The following ROBO2 variants were observed in gnomAD, a reference collection of about 807,000 sequenced individuals.
ROBO2 encodes the protein roundabout homolog 2.
ROBO2 carries 53 observed loss-of-function variants against 160.8 expected under a neutral mutation model. The observed-to-expected ratio is 0.33, with a 90% confidence interval of 0.26 to 0.41. The LOEUF (loss-of-function observed/expected upper bound fraction) is 0.41. ROBO2 is among the 10% of genes least tolerant of loss of function. ROBO2 has a pLI of 1.00. For missense variants in ROBO2, 1,577 were observed against 1,722.4 expected, an observed-to-expected ratio of 0.92 and a Z score of 1.49; for synonymous variants, 664 against 611.7, an observed-to-expected ratio of 1.09 and a Z score of -1.26.
Position 76,043,851 on chromosome 3 carries a change from T to C in ROBO2, c.109+106249T>C, listed in dbSNP as rs1035700052. 5.9e-5 allele frequency among the ~76,000 whole-genome samples: 9 copies of C among 151,942 alleles called. 1 individual carries two copies. Among genetic ancestry groups the C allele is most frequent in the Non-Finnish European group, 8.8e-5 (6 of 68,030 alleles). The stretch of plus-strand genomic sequence containing the variant: ...TGGAATCCACATTATCTTGGAACTA[T>C]GTGAAGATTGTCTTCGGATCACTTT... On this transcript the variant is annotated intron_variant, in intron 2 of 26. Coordinates refer to the ROBO2 transcript ENST00000487694.
At chr3:77,186,635 A>G (rs1249442920) in intron 2 of ROBO2, among the ~76,000 whole-genome samples, 2 of 152,014 alleles carry the variant, frequency 1.3e-5, no homozygotes, top group East Asian at 3.9e-4. Flanking sequence ...TGCTTTTAAT[A>G]GTCATCTCTT....
At chr3:76,236,617 C>G (rs1314137331) in intron 2 of ROBO2, among the ~76,000 whole-genome samples, 2 of 152,034 alleles carry the variant, frequency 1.3e-5, no homozygotes, top group Admixed American at 6.6e-5. Flanking sequence ...GTAAATCTTA[C>G]AAATGACAAC....
chr3:76,229,820 A>G (rs1170502171), intron 2 of ROBO2, among the ~76,000 whole-genome samples: 2 of 152,188 alleles, frequency 1.3e-5, no homozygotes, highest in Admixed American at 1.3e-4. Context: ...ACAACTAGAA[A>G]CATCAACCAA....
intron 12 of ROBO2, among the ~76,000 whole-genome samples, chr3:77,566,840 C>A (rs1559628384): frequency 6.6e-6 from 1 of 152,118 alleles, no homozygotes; most frequent in Non-Finnish European, 1.5e-5. Context: ...GGGTACCATA[C>A]TTTCAGCAGC....
chr3:77,443,022 G>A (rs371829483), intron 2 of ROBO2, among the ~76,000 whole-genome samples: 8 of 152,092 alleles, frequency 5.3e-5, no homozygotes, highest in African/African-American at 1.7e-4. Flanking sequence ...GTTAGTTTTT[G>A]TTATAAAAAT....
chr3:77,080,678 G>T (rs117742019), intron 1 of ROBO2, among the ~76,000 whole-genome samples: 1 of 152,160 alleles, frequency 6.6e-6, no homozygotes, highest in East Asian at 1.9e-4. Context: ...CCAAGAACTG[G>T]AAAGCTCTCT....
intron 2 of ROBO2, among the ~76,000 whole-genome samples, chr3:76,330,246 C>T (rs1199939962): frequency 6.6e-6 from 1 of 152,114 alleles, no homozygotes; most frequent in Non-Finnish European, 1.5e-5. Flanking sequence ...CAATTAATTG[C>T]AGGGATAAAC....
At chr3:77,302,834 G>A (rs575355102) in intron 2 of ROBO2, among the ~76,000 whole-genome samples, 6 of 152,248 alleles carry the variant, frequency 3.9e-5, no homozygotes, top group South Asian at 2.1e-4. Flanking sequence ...GAAAATGGCC[G>A]AGGAAATTTC....
At position 77,002,430 on chromosome 3, in the gene ROBO2, T is replaced by A. The variant is rs548808110; in HGVS notation, c.110-95584T>A. ...TTTTGTATTAAAATATTCTTCATATTTTATCATGATCTATTTTATAATCAC... is the reference window on the plus strand; with the variant it reads ...TTTTGTATTAAAATATTCTTCATATATTATCATGATCTATTTTATAATCAC... On this transcript the variant is annotated intron_variant, in intron 2 of 26. Transcript: ENST00000487694. Among the ~76,000 whole-genome samples the A allele has an allele frequency of 3.1e-3, 401 of 129,382 alleles. 3 individuals carry two copies. Among genetic ancestry groups the A allele is most frequent in the South Asian group, 0.011 (45 of 4,016 alleles). The allele number at this position is 129,382 out of a possible 152,430, so 84.9% of individuals were successfully genotyped here. A position where few individuals can be genotyped will look rare whatever the true frequency, so the allele number is the denominator to read the frequency against.
intron 2 of ROBO2, among the ~76,000 whole-genome samples, chr3:76,826,847 C>A (rs2066632252): frequency 6.6e-6 from 1 of 152,150 alleles, no homozygotes; most frequent in African/African-American, 2.4e-5. Context: ...TTTCAAATAG[C>A]CCAGAAGTAA....
rs563544434 is a variant in ROBO2 at position 76,727,475 on chromosome 3, T to C, written c.110-370539T>C. ...TTTATTTTCATTCATTCAACAAATA[T>C]TGAGCCCTAATATGTATTAGACTCT... On this transcript the variant is annotated intron_variant, in intron 2 of 26. Transcript: ENST00000487694. Among the ~76,000 whole-genome samples, 5 of 152,286 alleles carry C rather than the reference T, an allele frequency of 3.3e-5. No homozygotes were observed. The South Asian group carries it at 1.0e-3, about 32-fold the overall frequency.
intron 2 of ROBO2, among the ~76,000 whole-genome samples, chr3:76,214,787 CTCTG>C (rs903532494): frequency 6.6e-6 from 1 of 152,206 alleles, no homozygotes; most frequent in Non-Finnish European, 1.5e-5. Flanking sequence ...ACTTAAATGT[CTCTG>C]TCTGACAGCT....
At chr3:77,542,433 T>C (rs1017210037) in intron 6 of ROBO2, among the ~76,000 whole-genome samples, 5 of 152,232 alleles carry the variant, frequency 3.3e-5, no homozygotes, top group African/African-American at 7.2e-5. Context: ...GCAAGATCAA[T>C]GTGGCATAAG....
chr3:76,517,182 T>C (rs2081384078), intron 2 of ROBO2, among the ~76,000 whole-genome samples: 1 of 152,146 alleles, frequency 6.6e-6, no homozygotes, highest in Non-Finnish European at 1.5e-5. Context: ...TGTGAATATA[T>C]ATTTCAGTGC....
At chr3:76,447,321 G>A (rs1008691420) in intron 2 of ROBO2, among the ~76,000 whole-genome samples, 32 of 152,048 alleles carry the variant, frequency 2.1e-4, no homozygotes, top group Non-Finnish European at 3.7e-4. Context: ...TCAGAGAAAT[G>A]CAAATCAAAA....
intron 2 of ROBO2, among the ~76,000 whole-genome samples, chr3:76,184,705 G>A (rs1575785631): frequency 6.6e-6 from 1 of 151,970 alleles, no homozygotes; most frequent in Non-Finnish European, 1.5e-5. Context: ...GTCCAAGTAC[G>A]AAAAACCTCA....
intron 2 of ROBO2, among the ~76,000 whole-genome samples, chr3:77,297,464 G>T (rs2062247604): frequency 6.6e-6 from 1 of 152,106 alleles, no homozygotes; most frequent in Non-Finnish European, 1.5e-5. Flanking sequence ...TTGCTTAAGT[G>T]CACTCCCTTC....
intron 2 of ROBO2, among the ~76,000 whole-genome samples, chr3:75,968,537 C>G (rs2107337286): frequency 6.6e-6 from 1 of 151,632 alleles, no homozygotes; most frequent in South Asian, 2.1e-4. Flanking sequence ...TTACTACAAT[C>G]AAGCCAATTA....
chr3:76,212,491 A>C (rs2107328555), intron 2 of ROBO2, among the ~76,000 whole-genome samples: 1 of 152,228 alleles, frequency 6.6e-6, no homozygotes, highest in South Asian at 2.1e-4. Flanking sequence ...ATAAGAGGAA[A>C]CTAAAAACTT....
Sources: allele counts gnomAD v4.1 joint callset (sites outside exome capture counted in the v4.1 genomes callset), GRCh38; gene constraint gnomAD v4.1.1; transcripts MANE v1.5; gene names NCBI Gene and HGNC (gene_info 2026-07-23, HGNC 2026-07-21).